The following ADAMTS17 variants were observed in gnomAD, a reference collection of about 807,000 sequenced individuals.
ADAMTS17 encodes the protein ADAM metallopeptidase with thrombospondin type 1 motif 17, also known as A disintegrin and metalloproteinase with thrombospondin motifs 17.
Under a neutral mutation model 141.5 loss-of-function variants are expected in ADAMTS17, and 113 were observed. The observed-to-expected ratio is 0.80, with a 90% CI of 0.69 to 0.93. The LOEUF (loss-of-function observed/expected upper bound fraction) is 0.93. Among genes scored for constraint, ADAMTS17 ranks in the 40% least tolerant of loss-of-function variants. ADAMTS17 has a pLI of 0.00. For missense variants in ADAMTS17, 1,659 were observed against 1,517.9 expected (o/e 1.09, Z -1.54); for synonymous variants, 768 against 630.6 (o/e 1.22, Z -3.27).
intron 12 of ADAMTS17, among the ~76,000 whole-genome samples, chr15:100,123,214 TCA>T (rs1239628487): frequency 6.6e-6 from 1 of 152,158 alleles, no homozygotes; most frequent in East Asian, 1.9e-4. Flanking sequence ...GAGACCACCC[TCA>T]CACAGTCTCA....
intron 18 of ADAMTS17, among the ~76,000 whole-genome samples, chr15:100,028,511 C>G (rs751658664): frequency 2.0e-5 from 3 of 152,318 alleles, no homozygotes; most frequent in Non-Finnish European, 4.4e-5. Context: ...TTGGACACTT[C>G]TAGAAAATCA....
chr15:100,077,837 T>A (rs1320668497), intron 15 of ADAMTS17, among the ~76,000 whole-genome samples: 1 of 152,226 alleles, frequency 6.6e-6, no homozygotes, highest in Non-Finnish European at 1.5e-5. Context: ...TATTTGCAGA[T>A]GCTAAAATCT....
Position 100,229,476 on chromosome 15 carries a change from C to T in ADAMTS17, c.1075+24660G>A, listed in dbSNP as rs569019823. Among the ~76,000 whole-genome samples, 32 of 152,294 alleles carry T rather than the reference C, an allele frequency of 2.1e-4. No individual in the cohort carries two copies. The East Asian group carries it at 3.5e-3, about 17-fold the overall frequency. On this transcript the variant is annotated intron_variant, in intron 7 of 21. Transcript: ENST00000268070. ...TATTTCAGTGGCTTCTGTTCTATGA[C>T]GCACAGTGGTTCTGCCTGTTGACCT...
intron 2 of ADAMTS17, among the ~76,000 whole-genome samples, chr15:100,334,525 C>T (rs1245455196): frequency 6.6e-6 from 1 of 152,186 alleles, no homozygotes; most frequent in Non-Finnish European, 1.5e-5. Context: ...CCTGTAACTG[C>T]AGATCCTCCC....
At chr15:100,046,805 T>G (rs2031724380) in intron 18 of ADAMTS17, among the ~76,000 whole-genome samples, 1 of 152,180 alleles carries the variant, frequency 6.6e-6, no homozygotes, top group African/African-American at 2.4e-5. Context: ...CAGGACCCTG[T>G]GATGATTGCG....
At chr15:100,292,321 A>G (rs1285906825) in intron 3 of ADAMTS17, among the ~76,000 whole-genome samples, 12 of 137,816 alleles carry the variant, frequency 8.7e-5, no homozygotes, top group Middle Eastern at 4.5e-3. Context: ...TACGAGAGAC[A>G]CTCAGCCCGT....
intron 3 of ADAMTS17, among the ~76,000 whole-genome samples, chr15:100,289,539 TACAC>T (rs2044560291): frequency 7.6e-6 from 1 of 131,026 alleles, no homozygotes; most frequent in African/African-American, 3.0e-5. Flanking sequence ...CATACACACA[TACAC>T]ACACTCACAC....
intron 14 of ADAMTS17, among the ~76,000 whole-genome samples, chr15:100,101,657 T>G (rs1006626216): frequency 9.8e-5 from 15 of 152,286 alleles, no homozygotes; most frequent in Admixed American, 8.5e-4. Context: ...GCTGGTGTGG[T>G]ATTAAGCACA....
chr15:100,125,858 T>C (rs909872569), intron 12 of ADAMTS17, among the ~76,000 whole-genome samples: 2 of 152,040 alleles, frequency 1.3e-5, no homozygotes, highest in Admixed American at 1.3e-4. Flanking sequence ...GGGGGGACTC[T>C]CTTGCCAGTA....
intron 8 of ADAMTS17, among the ~76,000 whole-genome samples, chr15:100,165,432 T>C (rs1428942331): frequency 6.6e-6 from 1 of 152,190 alleles, no homozygotes; most frequent in Non-Finnish European, 1.5e-5. Context: ...CATGATAGGA[T>C]GGTCCCAATA....
At chr15:100,289,139 A>G (rs2044545376) in intron 3 of ADAMTS17, among the ~76,000 whole-genome samples, 1 of 152,162 alleles carries the variant, frequency 6.6e-6, no homozygotes, top group South Asian at 2.1e-4. Flanking sequence ...AATAAACCCA[A>G]TCATAAATGA....
At chr15:100,261,657 G>A in intron 5 of ADAMTS17, 21 bp from the exon 6 acceptor site, 1 of 1,610,538 alleles carries the variant, frequency 6.2e-7, no homozygotes, top group Non-Finnish European at 8.5e-7. Flanking sequence ...TCAGAGGACA[G>A]TTAGAGAAAC....
chr15:100,089,010 G>T (rs567312240), intron 15 of ADAMTS17, among the ~76,000 whole-genome samples: 49 of 151,576 alleles, frequency 3.2e-4, no homozygotes, highest in Admixed American at 2.7e-3. Context: ...CAACTGAAGA[G>T]CTTCTGCACA....
chr15:100,033,240 G>A (rs2030357876), intron 18 of ADAMTS17, among the ~76,000 whole-genome samples: 1 of 152,056 alleles, frequency 6.6e-6, no homozygotes, highest in African/African-American at 2.4e-5. Context: ...ACAATCTTGA[G>A]GTTAAAATAA....
chr15:100,041,509 C>T (rs1198136392), intron 18 of ADAMTS17, among the ~76,000 whole-genome samples: 1 of 152,230 alleles, frequency 6.6e-6, no homozygotes, highest in Admixed American at 6.5e-5. Flanking sequence ...GGTCTCGTCA[C>T]ACAGTACTGC....
chr15:100,193,012 G>A (rs919782413), intron 8 of ADAMTS17, among the ~76,000 whole-genome samples: 2 of 152,226 alleles, frequency 1.3e-5, no homozygotes, highest in African/African-American at 4.8e-5. Flanking sequence ...GACGTCCACT[G>A]TCCCAAACTC....
At chr15:99,984,029 C>G (rs557293294) in intron 20 of ADAMTS17, among the ~76,000 whole-genome samples, 1 of 152,152 alleles carries the variant, frequency 6.6e-6, no homozygotes, top group Non-Finnish European at 1.5e-5. Flanking sequence ...CCTGTGCCGT[C>G]GCTGGGAAAC....
intron 4 of ADAMTS17, among the ~76,000 whole-genome samples, chr15:100,273,164 A>G (rs1321946901): frequency 6.6e-6 from 1 of 152,080 alleles, no homozygotes; most frequent in Non-Finnish European, 1.5e-5. Context: ...AAGGGACTGT[A>G]GTTTTGTTTC....
chr15:100,331,692 G>A (rs2046058708), intron 2 of ADAMTS17, among the ~76,000 whole-genome samples: 1 of 152,102 alleles, frequency 6.6e-6, no homozygotes, highest in Non-Finnish European at 1.5e-5. Context: ...GCCTTTGATC[G>A]CAGATTCAGG....
Sources: allele counts gnomAD v4.1 joint callset (sites outside exome capture counted in the v4.1 genomes callset), GRCh38; gene constraint gnomAD v4.1.1; transcripts MANE v1.5; gene names NCBI Gene and HGNC (gene_info 2026-07-23, HGNC 2026-07-21).